The following PTER variants were observed in gnomAD, a reference collection of about 807,000 sequenced individuals.
PTER encodes the protein phosphotriesterase related, also known as N-acetyltaurine hydrolase.
A neutral mutation model predicts 29.6 loss-of-function variants in PTER; 38 were observed. The ratio of observed to expected loss-of-function variants is 1.28; its 90% CI spans 0.99 to 1.68. PTER has a LOEUF of 1.68. PTER is among the 40% of genes most tolerant of loss of function. The pLI, the probability that PTER is intolerant of heterozygous loss-of-function variation, is 0.00. For synonymous variants in PTER, 172 were observed against 154.5 expected, an observed-to-expected ratio of 1.11 and a Z score of -0.84; for missense variants, 482 against 427.8, an observed-to-expected ratio of 1.13 and a Z score of -1.12.
intron 3 of PTER, among the ~76,000 whole-genome samples, chr10:16,503,478 C>T (rs1248876904): frequency 1.3e-5 from 2 of 152,072 alleles, no homozygotes; most frequent in Non-Finnish European, 2.9e-5. Context: ...GATCTCAGCT[C>T]ACTGCAACCT....
chr10:16,485,582 T>C (rs565459422), intron 2 of PTER, among the ~76,000 whole-genome samples: 1 of 152,322 alleles, frequency 6.6e-6, no homozygotes, highest in African/African-American at 2.4e-5. Flanking sequence ...TATTTTGTAT[T>C]TCAAAATTTT....
intron 3 of PTER, among the ~76,000 whole-genome samples, chr10:16,498,586 A>G (rs987470593): frequency 3.3e-5 from 5 of 152,166 alleles, no homozygotes; most frequent in Non-Finnish European, 5.9e-5. Flanking sequence ...GTCTCAAAAA[A>G]CTAAAATAAA....
chr10:16,515,187 T>C (rs10160183), downstream of PTER, among the ~76,000 whole-genome samples: 17,701 of 142,994 alleles, frequency 0.12, 1,113 homozygotes, highest in Middle Eastern at 0.23. Flanking sequence ...TAGCTAAAAA[T>C]ACCCAGGAAA....
Position 16,474,901 on chromosome 10 carries a change from A to G in PTER, c.-48-9436A>G, listed in dbSNP as rs1007063965. Among the ~76,000 whole-genome samples, 3 of 152,062 alleles carry G rather than the reference A, an allele frequency of 2.0e-5. No individual in the cohort carries two copies. The South Asian group carries it at 6.2e-4, about 32-fold the overall frequency. ...GACTCCATCTCAAAAAACAAAACAA[A>G]ACAAATTTATTTCTCATCATTCTGA... On this transcript the variant is annotated intron_variant, in intron 1 of 4. Transcript: ENST00000535784.
chr10:16,460,706 T>C (rs190276807), intron 1 of PTER, among the ~76,000 whole-genome samples: 26 of 152,320 alleles, frequency 1.7e-4, no homozygotes, highest in Admixed American at 9.2e-4. Context: ...ATTATTAAAG[T>C]TGCAGATATA....
chr10:16,446,715 C>T (rs1383189129), intron 1 of PTER, among the ~76,000 whole-genome samples: 1 of 152,220 alleles, frequency 6.6e-6, no homozygotes, highest in African/African-American at 2.4e-5. Flanking sequence ...CGCTTAATTT[C>T]TTAATTCTTT....
chr10:16,514,470 C>A, downstream of PTER: 1 of 1,467,050 alleles, frequency 6.8e-7, no homozygotes, highest in Non-Finnish European at 9.4e-7. Flanking sequence ...GATTCACTGA[C>A]GTTAGCCATA....
chr10:16,508,389 A>G (rs1039257900), intron 4 of PTER, among the ~76,000 whole-genome samples: 13 of 151,984 alleles, frequency 8.6e-5, no homozygotes, highest in African/African-American at 3.1e-4. Flanking sequence ...TTTCTAAATC[A>G]TCTTGGAAAT....
At chr10:16,480,075 A>C (rs1250713439) in intron 1 of PTER, among the ~76,000 whole-genome samples, 4 of 145,046 alleles carry the variant, frequency 2.8e-5, no homozygotes, top group African/African-American at 1.0e-4. Flanking sequence ...TAATACTATG[A>C]GTAGAATGAA....
At chr10:16,498,557 T>C (rs1836204501) in intron 3 of PTER, among the ~76,000 whole-genome samples, 1 of 152,190 alleles carries the variant, frequency 6.6e-6, no homozygotes, top group African/African-American at 2.4e-5. Context: ...CACTCCAGCC[T>C]GTGTGACGGA....
At chr10:16,505,195 T>C in intron 4 of PTER, 35 bp downstream of exon 4, 1 of 1,605,834 alleles carries the variant, frequency 6.2e-7, no homozygotes, top group Non-Finnish European at 8.5e-7. Context: ...GCATTCCCTT[T>C]CCCTAGCCCT....
chr10:16,510,049 G>A (rs984753066), intron 4 of PTER, among the ~76,000 whole-genome samples: 2 of 152,018 alleles, frequency 1.3e-5, no homozygotes, highest in African/African-American at 4.8e-5. Context: ...TCAGCCTCTG[G>A]AGGAAGGCAC....
intron 1 of PTER, among the ~76,000 whole-genome samples, chr10:16,437,980 C>T (rs1007375292): frequency 2.0e-5 from 3 of 152,132 alleles, no homozygotes; most frequent in Non-Finnish European, 1.5e-5. Flanking sequence ...AGTTCTGGTT[C>T]CAGCTCAGTG....
intron 2 of PTER, 64 bp from the exon 3 acceptor site, chr10:16,486,288 G>T: frequency 1.4e-6 from 2 of 1,403,460 alleles, no homozygotes. Context: ...TTCACATACT[G>T]TGGTGGATCT....
rs111545079 is a variant in PTER at position 16,511,374 on chromosome 10, C to A, written c.*118C>A. 2 of 931,754 alleles carry A rather than the reference C, an allele frequency of 2.1e-6. No homozygotes were observed. The highest frequency in any genetic ancestry group is 2.5e-5 in the East Asian group (1 of 39,570). The allele number at this position is 931,754 out of a possible 1,614,324, so 57.7% of individuals were successfully genotyped here. On this transcript the variant is annotated 3_prime_UTR_variant, in exon 5 of 5. Coordinates refer to ENST00000535784, the MANE Select transcript of PTER (RefSeq NM_001261836.2). ...AGGACTAATGACAGATCATTTCCTTCTGATGAGAACTAGGAGGGTTTGCCT... is the reference window on the plus strand; with the variant it reads ...AGGACTAATGACAGATCATTTCCTTATGATGAGAACTAGGAGGGTTTGCCT...
At chr10:16,464,641 G>A (rs1435692798) in intron 1 of PTER, among the ~76,000 whole-genome samples, 1 of 152,126 alleles carries the variant, frequency 6.6e-6, no homozygotes. Flanking sequence ...GCCTTTACGG[G>A]ATGCTTTAAA....
At position 16,484,757 on chromosome 10, in the gene PTER, G is replaced by T. The variant is rs201649887; in HGVS notation, c.373G>T (p.Ala125Ser). 96 of 1,613,682 alleles carry T rather than the reference G, an allele frequency of 5.9e-5. No individual in the cohort carries two copies. Among genetic ancestry groups the T allele is most frequent in the South Asian group, 2.2e-5 (2 of 90,988 alleles). ...GACTGGCGTCCATATCATATCTGGA[G>T]CCGGGTTTTATGTGGATGCAACTCA... Reference protein sequence around the residue: ...EETGVHIISGAGFYVDATHSS... With the variant: ...EETGVHIISGSGFYVDATHSS... The change falls in exon 2 of 5, where the codon GCC becomes TCC. Residue 125 changes from alanine to serine, a missense_variant. Coordinates refer to ENST00000535784, the MANE Select transcript of PTER (RefSeq NM_001261836.2).
chr10:16,471,199 T>C (rs981959705), intron 1 of PTER, among the ~76,000 whole-genome samples: 1 of 152,176 alleles, frequency 6.6e-6, no homozygotes, highest in East Asian at 1.9e-4. Context: ...GCAGGAACAA[T>C]ATCAAGTCTC....
chr10:16,501,375 A>ATG (rs1405798617), intron 3 of PTER, among the ~76,000 whole-genome samples: 19 of 146,710 alleles, frequency 1.3e-4, no homozygotes, highest in Admixed American at 4.0e-4. Context: ...ACACATGCAC[A>ATG]CACACACACA....
Sources: allele counts gnomAD v4.1 joint callset (sites outside exome capture counted in the v4.1 genomes callset), GRCh38; gene constraint gnomAD v4.1.1; transcripts MANE v1.5; gene names NCBI Gene and HGNC (gene_info 2026-07-23, HGNC 2026-07-21).